Variants in RBFOX2 observed in about 807,000 individuals in gnomAD.
RBFOX2 encodes the protein RNA binding protein fox-1 homolog 2.
Under a neutral mutation model 49.1 loss-of-function variants are expected in RBFOX2, and 10 were observed. The observed-to-expected ratio is 0.20, with a 90% CI of 0.13 to 0.35. RBFOX2 has a LOEUF of 0.35. Among genes scored for constraint, RBFOX2 ranks in the 10% least tolerant of loss-of-function variants. The pLI is 1.00. For synonymous variants in RBFOX2, 183 were observed against 187.4 expected, an observed-to-expected ratio of 0.98 and a Z score of 0.19; for missense variants, 323 against 486.9, an observed-to-expected ratio of 0.66 and a Z score of 3.17.
At chr22:36,024,454 A>G (rs974349741) in intron 1 of RBFOX2, among the ~76,000 whole-genome samples, 2 of 152,176 alleles carry the variant, frequency 1.3e-5, no homozygotes, top group African/African-American at 4.8e-5. Context: ...ACGTGTTAAG[A>G]AAACAGGCCA....
At chr22:36,002,338 G>A (rs556358145) in intron 1 of RBFOX2, among the ~76,000 whole-genome samples, 11 of 152,168 alleles carry the variant, frequency 7.2e-5, no homozygotes, top group Admixed American at 3.3e-4. Flanking sequence ...GACTGGAAAC[G>A]ACCTAAATGT....
chr22:35,847,908 A>G (rs964289038), intron 1 of RBFOX2, among the ~76,000 whole-genome samples: 9 of 152,178 alleles, frequency 5.9e-5, no homozygotes, highest in Non-Finnish European at 1.2e-4. Context: ...TTGCTGCAAA[A>G]GACTTTCATC....
At chr22:35,943,876 G>A (rs150306598), upstream of RBFOX2, among the ~76,000 whole-genome samples, 70 of 152,372 alleles carry the variant, frequency 4.6e-4, no homozygotes, top group African/African-American at 1.6e-3. Context: ...CTGCACTCCA[G>A]CCTGGGCGAC....
intron 9 of RBFOX2, chr22:35,748,128 T>C (rs1166472292): frequency 6.6e-6 from 1 of 152,234 alleles, no homozygotes; most frequent in Non-Finnish European, 1.5e-5. Flanking sequence ...GGGAAATTTA[T>C]TCCTGCTCTT....
At chr22:35,965,163 T>C (rs1214963589), upstream of RBFOX2, among the ~76,000 whole-genome samples, 1 of 152,130 alleles carries the variant, frequency 6.6e-6, no homozygotes, top group African/African-American at 2.4e-5. Context: ...CAGGAGTTCA[T>C]TTAAGTAAAT....
At chr22:35,766,540 A>T (rs1000732043) in intron 5 of RBFOX2, among the ~76,000 whole-genome samples, 31 of 152,184 alleles carry the variant, frequency 2.0e-4, no homozygotes, top group Admixed American at 2.0e-3. Context: ...AATCCCCCAT[A>T]TGAGGAAAGA....
rs549357629 is a variant in RBFOX2, at chr22:35,746,276, G to A, written c.976+197C>T. On this transcript the variant is annotated intron_variant, in intron 10 of 11. Coordinates refer to ENST00000405409, the Ensembl canonical transcript of RBFOX2. ...AAGAAGAGATGAGAACAAGAAAGAG[G>A]GAGTGGAGGACAGAGTCGGTGCCTT... is the stretch of plus-strand genomic sequence containing the variant. Among the ~76,000 whole-genome samples the A allele has an allele frequency of 8.5e-5, 13 of 152,312 alleles. No individual in the cohort carries two copies. The South Asian group carries it at 2.5e-3, about 29-fold the overall frequency.
intron 1 of RBFOX2, among the ~76,000 whole-genome samples, chr22:35,832,590 T>C (rs1956996268): frequency 6.6e-6 from 1 of 152,092 alleles, no homozygotes; most frequent in Admixed American, 6.6e-5. Flanking sequence ...CCAAGCACTC[T>C]GGGATGCAGA....
At chr22:35,972,273 T>C (rs1307327300) in intron 1 of RBFOX2, among the ~76,000 whole-genome samples, 2 of 152,282 alleles carry the variant, frequency 1.3e-5, no homozygotes, top group East Asian at 3.9e-4. Flanking sequence ...AGGGAACTGT[T>C]TTCATGTGTT....
intron 1 of RBFOX2, among the ~76,000 whole-genome samples, chr22:35,974,551 G>A (rs1348134034): frequency 8.5e-5 from 13 of 152,112 alleles, no homozygotes; most frequent in Non-Finnish European, 1.8e-4. Context: ...GCCAGGTGTG[G>A]TGGCACACAT....
At chr22:35,739,463 G>T (rs1310404859) in exon 12 of RBFOX2, 1 of 152,320 alleles carries the variant, frequency 6.6e-6, no homozygotes, top group Non-Finnish European at 1.5e-5. Flanking sequence ...TATAACACAA[G>T]AAAAACAATT....
At chr22:35,774,404 A>G (rs1428314140) in intron 4 of RBFOX2, among the ~76,000 whole-genome samples, 1 of 152,162 alleles carries the variant, frequency 6.6e-6, no homozygotes, top group Non-Finnish European at 1.5e-5. Flanking sequence ...TTTGGCAGGA[A>G]TACCACTTTC....
intron 2 of RBFOX2, among the ~76,000 whole-genome samples, chr22:35,787,588 T>C (rs1324491013): frequency 1.3e-5 from 2 of 152,236 alleles, no homozygotes; most frequent in Admixed American, 1.3e-4. Context: ...ATTCTCACTT[T>C]AAATTTATCC....
At chr22:35,981,713 T>C (rs920420035) in intron 1 of RBFOX2, among the ~76,000 whole-genome samples, 25 of 152,176 alleles carry the variant, frequency 1.6e-4, no homozygotes, top group Non-Finnish European at 2.9e-5. Flanking sequence ...TTAGCTTCAT[T>C]TGGAGGTCAA....
chr22:35,926,889 G>A (rs1300939188), intron 1 of RBFOX2, among the ~76,000 whole-genome samples: 1 of 151,972 alleles, frequency 6.6e-6, no homozygotes, highest in African/African-American at 2.4e-5. Flanking sequence ...AGACTTTCTG[G>A]GTTACCTGGA....
rs539474648 is a variant in RBFOX2, at chr22:35,780,450, A to G, written c.399+1150T>C. ...TCAAAAAGCAATAACAAGCAGGCTC[A>G]GAAAAAATTAAGATCCTTAGCAGCC... On this transcript the variant is annotated intron_variant, in intron 3 of 11. Coordinates refer to ENST00000405409, the Ensembl canonical transcript of RBFOX2. Among the ~76,000 whole-genome samples, 46 of 152,292 alleles carry G rather than the reference A, an allele frequency of 3.0e-4. No individual in the cohort carries two copies. In the South Asian group the frequency reaches 3.5e-3, roughly 12 times the overall value.
chr22:35,790,515 G>A (rs1165502073), intron 2 of RBFOX2, among the ~76,000 whole-genome samples: 1 of 152,030 alleles, frequency 6.6e-6, no homozygotes, highest in East Asian at 1.9e-4. Flanking sequence ...TCAGAATAGA[G>A]AAAAAGACAT....
chr22:35,995,784 C>A (rs576720797), intron 1 of RBFOX2: 1 of 153,168 alleles, frequency 6.5e-6, no homozygotes, highest in East Asian at 1.9e-4. Flanking sequence ...AATCTCTTTT[C>A]TTCATAAATT....
At chr22:35,812,607 G>A (rs916739006) in intron 1 of RBFOX2, among the ~76,000 whole-genome samples, 1 of 152,196 alleles carries the variant, frequency 6.6e-6, no homozygotes, top group Non-Finnish European at 1.5e-5. Context: ...AGGTGGACTG[G>A]TGAATGAAAC....
Sources: allele counts gnomAD v4.1 joint callset (sites outside exome capture counted in the v4.1 genomes callset), GRCh38; gene constraint gnomAD v4.1.1; transcripts MANE v1.5; gene names NCBI Gene and HGNC (gene_info 2026-07-23, HGNC 2026-07-21).